LRP2: variants seen among roughly 807,000 people sequenced by gnomAD.
LRP2 encodes the protein low-density lipoprotein receptor-related protein 2.
LRP2 carries 172 observed loss-of-function variants against 531.0 expected under a neutral mutation model. That is an observed-to-expected ratio of 0.32 (90% confidence interval 0.29 to 0.37). The LOEUF (loss-of-function observed/expected upper bound fraction) is 0.37, where lower values mean the gene tolerates loss of function less well. LRP2 is among the 10% of genes least tolerant of loss of function. The probability of loss-of-function intolerance (pLI) is 1.00; values close to 1 mark genes in which losing one functional copy is unlikely to be tolerated. For missense variants in LRP2, 5,167 were observed against 5,868.3 expected (o/e 0.88, Z 3.90); for synonymous variants, 1,992 against 2,027.6 (o/e 0.98, Z 0.47).
At position 169,139,388 on chromosome 2, in the gene LRP2, C is replaced by CAG. The variant is rs781166026; in HGVS notation, c.13268-19_13268-18dup. 59 of 1,613,964 alleles carry CAG rather than the reference C, an allele frequency of 3.7e-5. No homozygotes were observed. Among genetic ancestry groups the CAG allele is most frequent in the Non-Finnish European group, 4.2e-5 (49 of 1,179,994 alleles). On this transcript the variant is annotated splice_polypyrimidine_tract_variant and intron_variant, in intron 73 of 78. Transcript: ENST00000649046. ...CTACTGCGGCTATAGAAGAAGATAG[C>CAG]AGAGAGCACATCAACACATGGGAGC...
chr2:169,235,663 T>C (rs1316290292), intron 29 of LRP2, among the ~76,000 whole-genome samples, 177 bp downstream of exon 29: 5 of 152,240 alleles, frequency 3.3e-5, no homozygotes, highest in Non-Finnish European at 5.9e-5. Flanking sequence ...AATGAAAATA[T>C]TCATTTTCCA....
intron 16 of LRP2, among the ~76,000 whole-genome samples, chr2:169,266,343 G>A (rs1384752261): frequency 6.6e-6 from 1 of 151,972 alleles, no homozygotes; most frequent in East Asian, 1.9e-4. Flanking sequence ...AGTCAAAAGA[G>A]CTGTTCCCTC....
intron 68 of LRP2, among the ~76,000 whole-genome samples, chr2:169,150,193 T>C (rs1686070558): frequency 6.6e-6 from 1 of 152,200 alleles, no homozygotes; most frequent in Non-Finnish European, 1.5e-5. Flanking sequence ...TACCTACAAA[T>C]ACTGGCATAT....
chr2:169,147,248 A>C (rs1685949451), intron 68 of LRP2, among the ~76,000 whole-genome samples: 2 of 152,186 alleles, frequency 1.3e-5, no homozygotes, highest in African/African-American at 4.8e-5. Flanking sequence ...AAAGCTGTTC[A>C]CTCTTCAAGA....
intron 1 of LRP2, among the ~76,000 whole-genome samples, chr2:169,347,925 T>C (rs925603346): frequency 2.0e-5 from 3 of 152,180 alleles, no homozygotes; most frequent in African/African-American, 7.2e-5. Context: ...CTGATCATAA[T>C]ATGAGAAATT....
chr2:169,196,375 G>A (rs1462414560), intron 46 of LRP2, among the ~76,000 whole-genome samples: 1 of 152,184 alleles, frequency 6.6e-6, no homozygotes, highest in Non-Finnish European at 1.5e-5. Flanking sequence ...ATTAGAATTT[G>A]TGAAGGCAAA....
At chr2:169,148,242 T>C (rs887200185) in intron 68 of LRP2, among the ~76,000 whole-genome samples, 2 of 152,184 alleles carry the variant, frequency 1.3e-5, no homozygotes, top group Non-Finnish European at 2.9e-5. Flanking sequence ...GGATTCCATT[T>C]GTAGGAAATG....
At chr2:169,305,723 C>T (rs1444557973) in intron 4 of LRP2, among the ~76,000 whole-genome samples, 3 of 152,118 alleles carry the variant, frequency 2.0e-5, no homozygotes, top group Admixed American at 6.5e-5. Flanking sequence ...AGTCAGGAAC[C>T]GCATATGGCT....
intron 3 of LRP2, among the ~76,000 whole-genome samples, chr2:169,314,103 T>G (rs989674018): frequency 6.6e-6 from 1 of 152,130 alleles, no homozygotes. Context: ...AAAAACCTTT[T>G]CAAACGACAA....
intron 32 of LRP2, among the ~76,000 whole-genome samples, chr2:169,225,853 G>T (rs1049954385): frequency 6.6e-6 from 1 of 152,100 alleles, no homozygotes; most frequent in East Asian, 1.9e-4. Flanking sequence ...ATTCTTACAG[G>T]TTTTTTCCCT....
chr2:169,291,302 T>C (rs773123233), intron 7 of LRP2, among the ~76,000 whole-genome samples: 6 of 152,154 alleles, frequency 3.9e-5, no homozygotes, highest in Non-Finnish European at 8.8e-5. Flanking sequence ...TAAGAAAAGA[T>C]GTAGTTATTT....
chr2:169,247,251 C>T lies in LRP2; in HGVS notation c.2908+127G>A, dbSNP rs912838986. On this transcript the variant is annotated intron_variant, in intron 20 of 78. Transcript: ENST00000649046. ...GTCTTACACTCTTAGATTATGTGAA[C>T]GACAAGAATATAAAACTACCAGGAG... The T allele has an allele frequency of 2.7e-5, 28 of 1,048,950 alleles. No homozygotes were observed. In the African/African-American group the frequency reaches 3.6e-4, roughly 13 times the overall value. The allele number at this position is 1,048,950 out of a possible 1,614,324, so 65.0% of individuals were successfully genotyped here.
At chr2:169,194,264 T>C (rs11886626) in intron 46 of LRP2, among the ~76,000 whole-genome samples, 72,510 of 151,970 alleles carry the variant, frequency 0.48, 20,482 homozygotes, top group African/African-American at 0.79. Flanking sequence ...AAGTCTCCCC[T>C]CGCCTGCACT....
intron 1 of LRP2, among the ~76,000 whole-genome samples, chr2:169,337,822 T>C (rs1352247869): frequency 1.3e-5 from 2 of 152,138 alleles, no homozygotes; most frequent in Non-Finnish European, 2.9e-5. Context: ...GAAACAGACT[T>C]GAGGCCAGGT....
chr2:169,186,681 A>G (rs1469328889), intron 49 of LRP2, among the ~76,000 whole-genome samples: 1 of 152,168 alleles, frequency 6.6e-6, no homozygotes, highest in Non-Finnish European at 1.5e-5. Flanking sequence ...TTTCCCATCT[A>G]TGGGCTACAG....
intron 26 of LRP2, 81 bp downstream of exon 26, chr2:169,239,446 T>C (rs1483235382): frequency 3.1e-6 from 5 of 1,611,272 alleles, no homozygotes; most frequent in Admixed American, 3.3e-5. Flanking sequence ...CTAATCAACA[T>C]TGTCAAATAC....
At chr2:169,181,337 C>G (rs1362929804) in intron 52 of LRP2, 111 bp downstream of exon 52, 2 of 1,080,228 alleles carry the variant, frequency 1.9e-6, no homozygotes, top group African/African-American at 1.5e-5. Flanking sequence ...CGAATGACTT[C>G]CAACAGACAG....
chr2:169,270,928 A>G lies in LRP2; in HGVS notation c.2296T>C (p.Phe766Leu), dbSNP rs1222017607. The change falls in exon 16 of 79, where the codon TTT becomes CTT. Residue 766 changes from phenylalanine to leucine, a missense_variant. Phe to Leu is a conservative substitution (Grantham distance 22). Around this residue, in one of 6 missense-constraint regions of LRP2, gnomAD observed 2,811 missense variants for 3,058.0 expected, o/e 0.92. Transcript: ENST00000649046. ...CCTGTGCCATCAATCTTTTGCTTAA[A>G]AATCATGTGTTTTGACATATCTGAA... The part of the protein sequence containing the change: ...FFSDMSKHMI[F>L]KQKIDGTGRE... The G allele has an allele frequency of 6.2e-7, 1 of 1,613,084 alleles. No individual in the cohort carries two copies. The highest frequency in any genetic ancestry group is 1.7e-5 in the Admixed American group (1 of 59,836).
intron 4 of LRP2, among the ~76,000 whole-genome samples, chr2:169,303,764 G>A (rs753897292): frequency 4.6e-5 from 7 of 151,950 alleles, no homozygotes; most frequent in Admixed American, 2.0e-4. Context: ...ATGCCTCACT[G>A]CAAAATCCCT....
Sources: allele counts gnomAD v4.1 joint callset (sites outside exome capture counted in the v4.1 genomes callset), GRCh38; gene constraint gnomAD v4.1.1; regional missense constraint gnomAD v4.1.1; transcripts MANE v1.5; gene names NCBI Gene and HGNC (gene_info 2026-07-23, HGNC 2026-07-21).